CD84: variants seen among roughly 807,000 people sequenced by gnomAD.
CD84 encodes SLAM family member 5.
In CD84, 22 loss-of-function variants were observed where a neutral mutation model predicts 33.8. The ratio of observed to expected loss-of-function variants is 0.65; its 90% CI spans 0.46 to 0.93. The LOEUF (loss-of-function observed/expected upper bound fraction) is 0.93. CD84 is among the 40% of genes least tolerant of loss of function. The pLI is 0.00. For missense variants in CD84, 400 were observed against 397.6 expected, an observed-to-expected ratio of 1.01 and a Z score of -0.05; for synonymous variants, 154 against 145.2, an observed-to-expected ratio of 1.06 and a Z score of -0.44.
chr1:160,548,231 C>T lies in CD84; in HGVS notation c.*25G>A, dbSNP rs1273894130. ...GTATTGGTGGTTGTAACTCAGTTTCCAGAGGGAGAATTCAGCCCAGCAGCC... is the reference window on the plus strand; with the variant it reads ...GTATTGGTGGTTGTAACTCAGTTTCTAGAGGGAGAATTCAGCCCAGCAGCC... On this transcript the variant is annotated 3_prime_UTR_variant, in exon 7 of 7. Coordinates refer to ENST00000368054, the MANE Select transcript of CD84 (RefSeq NM_003874.4). 1 of 1,613,614 alleles carries T rather than the reference C, an allele frequency of 6.2e-7. No homozygotes were observed. Among genetic ancestry groups the T allele is most frequent in the Non-Finnish European group, 8.5e-7 (1 of 1,179,570 alleles).
At chr1:160,575,689 A>C (rs1447239250) in intron 1 of CD84, among the ~76,000 whole-genome samples, 1 of 152,176 alleles carries the variant, frequency 6.6e-6, no homozygotes, top group Non-Finnish European at 1.5e-5. Flanking sequence ...CAAGTTTCAC[A>C]TAGATGAGCC....
At chr1:160,552,316 A>T (rs370365705) in intron 4 of CD84, among the ~76,000 whole-genome samples, 1 of 152,158 alleles carries the variant, frequency 6.6e-6, no homozygotes, top group East Asian at 1.9e-4. Flanking sequence ...CCCCATTGTG[A>T]GGCCATTTGA....
intron 5 of CD84, 98 bp from the exon 6 acceptor site, chr1:160,550,077 C>G: frequency 1.2e-6 from 1 of 851,498 alleles, no homozygotes. Context: ...TCCCTGGTCC[C>G]ACATTTACTG....
At chr1:160,566,672 C>T (rs1042083902) in intron 1 of CD84, among the ~76,000 whole-genome samples, 2 of 152,106 alleles carry the variant, frequency 1.3e-5, no homozygotes, top group Admixed American at 1.3e-4. Context: ...CAATGTTGAT[C>T]AGATAACCAT....
At chr1:160,569,651 G>C (rs1657570999) in intron 1 of CD84, among the ~76,000 whole-genome samples, 2 of 152,110 alleles carry the variant, frequency 1.3e-5, no homozygotes, top group South Asian at 4.1e-4. Context: ...TTCTAAGAAG[G>C]GAGGGATTGC....
At chr1:160,572,819 G>A (rs1446240022) in intron 1 of CD84, among the ~76,000 whole-genome samples, 1 of 152,168 alleles carries the variant, frequency 6.6e-6, no homozygotes, top group Non-Finnish European at 1.5e-5. Flanking sequence ...ACCCTGGGGT[G>A]CAGGCTTAGA....
rs970896223 is a variant in CD84 at position 160,553,446 on chromosome 1, G to C, written c.692C>G (p.Ala231Gly). Residue 231 changes from alanine (A) to glycine (G), a missense_variant, in exon 4 of 7, where the codon GCT becomes GGT. Transcript: ENST00000368054. Reference protein sequence around the residue: ...THHTGLLSVLAMFFLLVLILS... With the variant: ...THHTGLLSVLGMFFLLVLILS... ...AATGAGAACAAGCAGAAAGAACATA[G>C]CCAGCACGCTCAGCAACCCGGTGTG... 3.7e-6 allele frequency: 6 copies of C among 1,613,984 alleles called. No homozygotes were observed. Among genetic ancestry groups the C allele is most frequent in the African/African-American group, 1.3e-5 (1 of 74,906 alleles).
At chr1:160,556,824 A>T (rs1434621221) in intron 2 of CD84, among the ~76,000 whole-genome samples, 3 of 152,194 alleles carry the variant, frequency 2.0e-5, no homozygotes, top group African/African-American at 7.2e-5. Context: ...CTTTCTGAAG[A>T]TTGGGTAGGC....
At chr1:160,575,143 T>C (rs1553458) in intron 1 of CD84, among the ~76,000 whole-genome samples, 128,346 of 151,976 alleles carry the variant, frequency 0.84, 55,100 homozygotes, top group Non-Finnish European at 0.93. Flanking sequence ...CTAAACTTCC[T>C]CTCCTCTTCT....
In CD84 at chr1:160,548,297, T is replaced by A. The variant is rs1185571977; in HGVS notation, c.946A>T (p.Ser316Cys). ...TAGCTTGAAGTCCCAGGAGGTTTAC[T>A]GTCCTGTGTGCTGGCTTTCCCCATC... ...DKMGKASTQD[S>C]KPPGTSSYEI... Residue 316 changes from serine to cysteine, a missense_variant, in exon 7 of 7, where the codon AGT becomes TGT. Transcript: ENST00000368054. 2 of 1,614,240 alleles carry A rather than the reference T, an allele frequency of 1.2e-6. No individual in the cohort carries two copies. The highest frequency in any genetic ancestry group is 1.7e-6 in the Non-Finnish European group (2 of 1,180,038).
chr1:160,563,169 A>G (rs892401815), intron 2 of CD84, among the ~76,000 whole-genome samples: 7 of 152,202 alleles, frequency 4.6e-5, no homozygotes. Context: ...AATTCCAACC[A>G]TTGTGGAAGA....
chr1:160,551,675 C>G lies in CD84; in HGVS notation c.761-640G>C, dbSNP rs897963476. Among the ~76,000 whole-genome samples the G allele has an allele frequency of 2.0e-5, 3 of 152,176 alleles. No homozygotes were observed. The South Asian group carries it at 6.2e-4, about 32-fold the overall frequency. ...CCTCCCACCTCAGCCTTCTGAGTAG[C>G]TGGGACCACAGGTATGTGCCACCAC... On this transcript the variant is annotated intron_variant, in intron 4 of 6. Coordinates refer to ENST00000368054, the MANE Select transcript of CD84 (RefSeq NM_003874.4).
chr1:160,560,259 C>T (rs568409691), intron 2 of CD84, among the ~76,000 whole-genome samples: 1 of 152,134 alleles, frequency 6.6e-6, no homozygotes, highest in African/African-American at 2.4e-5. Flanking sequence ...CACTCCTCAG[C>T]AAACGCGAAA....
At chr1:160,572,324 T>A (rs1657740192) in intron 1 of CD84, among the ~76,000 whole-genome samples, 1 of 152,176 alleles carries the variant, frequency 6.6e-6, no homozygotes, top group Non-Finnish European at 1.5e-5. Context: ...GAGGGGAGAC[T>A]AACTGGCAAC....
At chr1:160,578,007 T>A (rs1032584283) in intron 1 of CD84, among the ~76,000 whole-genome samples, 1 of 152,058 alleles carries the variant, frequency 6.6e-6, no homozygotes, top group Middle Eastern at 3.2e-3. Flanking sequence ...AAGCAATGAG[T>A]GAAGAGGTCA....
rs1557967144 is a variant in CD84, at chr1:160,548,134, G to C, written c.*122C>G. 2.0e-6 allele frequency: 2 copies of C among 1,001,816 alleles called. No homozygotes were observed. The highest frequency in any genetic ancestry group is 2.5e-5 in the East Asian group (1 of 39,574). The allele number at this position is 1,001,816 out of a possible 1,614,324, so 62.1% of individuals were successfully genotyped here. A position where few individuals can be genotyped will look rare whatever the true frequency, so the allele number is the denominator to read the frequency against. On this transcript the variant is annotated 3_prime_UTR_variant, in exon 7 of 7. Coordinates refer to ENST00000368054, the MANE Select transcript of CD84 (RefSeq NM_003874.4). Reference sequence around the variant, plus strand: ...AGAAGGTTTCCTGCTTTGCTTACAGGCTGAGATGTGGCAGTTTGCAATCTC... The same window carrying C: ...AGAAGGTTTCCTGCTTTGCTTACAGCCTGAGATGTGGCAGTTTGCAATCTC...
At position 160,573,934 on chromosome 1, in the gene CD84, T is replaced by TA. The variant is rs34125532; in HGVS notation, c.46+5457dup. On this transcript the variant is annotated intron_variant, in intron 1 of 6. Coordinates refer to ENST00000368054, the MANE Select transcript of CD84 (RefSeq NM_003874.4). ...GATCCCATCTCTATGAAAAAGAAAA[T>TA]AAAAAAAAATTAGTCAGGCATGGTA... Among the ~76,000 whole-genome samples, 47 of 149,808 alleles carry TA rather than the reference T, an allele frequency of 3.1e-4. 1 individual carries two copies. Among genetic ancestry groups the TA allele is most frequent in the African/African-American group, 9.8e-4 (40 of 40,754 alleles).
chr1:160,572,026 G>A (rs1657725870), intron 1 of CD84, among the ~76,000 whole-genome samples: 1 of 152,192 alleles, frequency 6.6e-6, no homozygotes, highest in South Asian at 2.1e-4. Context: ...AAGTGAAAGA[G>A]CAAAGGTATT....
intron 2 of CD84, among the ~76,000 whole-genome samples, chr1:160,559,083 C>T (rs919512237): frequency 1.3e-5 from 2 of 152,086 alleles, no homozygotes; most frequent in African/African-American, 4.8e-5. Flanking sequence ...GGAGAACTTC[C>T]CCAGCCTAGC....
Sources: gnomAD v4.1 joint callset for allele counts (sites outside exome capture counted in the v4.1 genomes callset) on GRCh38, gnomAD v4.1.1 for gene constraint, MANE v1.5 for transcripts, NCBI Gene and HGNC (gene_info 2026-07-23, HGNC 2026-07-21) for gene names.